CMIP: variants seen among roughly 807,000 people sequenced by gnomAD.
The protein encoded by CMIP is C-Maf-inducing protein.
Under a neutral mutation model 97.3 loss-of-function variants are expected in CMIP, and 13 were observed. The observed-to-expected ratio is 0.13, with a 90% CI of 0.09 to 0.21. The LOEUF is 0.21. Among genes scored for constraint, CMIP ranks in the 10% least tolerant of loss-of-function variants. The probability of loss-of-function intolerance (pLI) is 1.00; values close to 1 mark genes in which losing one functional copy is unlikely to be tolerated. For synonymous variants in CMIP, 538 were observed against 436.3 expected (o/e 1.23, Z -2.91); for missense variants, 847 against 1,024.9 (o/e 0.83, Z 2.37).
At chr16:81,521,239 G>A (rs2090020882) in intron 1 of CMIP, among the ~76,000 whole-genome samples, 1 of 152,216 alleles carries the variant, frequency 6.6e-6, no homozygotes, top group South Asian at 2.1e-4. Flanking sequence ...TTCCTGAGTG[G>A]CCTCTGCATC....
intron 1 of CMIP, among the ~76,000 whole-genome samples, chr16:81,457,181 C>T (rs927272624): frequency 2.2e-4 from 34 of 152,020 alleles, no homozygotes; most frequent in African/African-American, 3.6e-4. Flanking sequence ...CCGACCCCCC[C>T]GCCAGTCAGT....
intron 3 of CMIP, among the ~76,000 whole-genome samples, chr16:81,649,739 C>T (rs935788909): frequency 1.3e-5 from 2 of 152,216 alleles, no homozygotes; most frequent in African/African-American, 4.8e-5. Flanking sequence ...ACTTAGAGCC[C>T]AGACTCCATG....
intron 6 of CMIP, among the ~76,000 whole-genome samples, chr16:81,661,434 C>T (rs1437595606): frequency 6.6e-6 from 1 of 152,238 alleles, no homozygotes; most frequent in East Asian, 1.9e-4. Flanking sequence ...ATGTCCAGGG[C>T]ACATCTTTGT....
Position 81,664,394 on chromosome 16 carries a change from T to G in CMIP, c.825+45T>G, listed in dbSNP as rs755870928. 5.2e-6 allele frequency: 8 copies of G among 1,547,128 alleles called. No homozygotes were observed. The African/African-American group carries it at 1.1e-4, about 21-fold the overall frequency. ...CACCCAGACCCCAGCGCCCAGAACA[T>G]GAGGCCCCGCGCGCCTCCCTGGCCT... On this transcript the variant is annotated intron_variant, in intron 7 of 20. Transcript: ENST00000537098.
intron 1 of CMIP, among the ~76,000 whole-genome samples, chr16:81,605,398 G>A (rs910674487): frequency 2.6e-5 from 4 of 151,944 alleles, no homozygotes; most frequent in Non-Finnish European, 4.4e-5. Flanking sequence ...CAGCCTTGTC[G>A]CTCACCTGGA....
rs2092439008 is a variant in CMIP at position 81,652,431 on chromosome 16, C to T, written c.639+67C>T. ...CCCTCCACCGATCACCGGCTCCATG[C>T]CAAGCAGCAGGCGCAGGCAGAGCTC... On this transcript the variant is annotated intron_variant, in intron 4 of 20. Transcript: ENST00000537098. The surrounding 1 kb of genome is among the most constrained non-coding windows in gnomAD (Gnocchi z 5.2). 17 of 1,408,972 alleles carry T rather than the reference C, an allele frequency of 1.2e-5. No individual in the cohort carries two copies. Among genetic ancestry groups the T allele is most frequent in the Non-Finnish European group, 1.7e-5 (17 of 1,016,408 alleles). The allele number at this position is 1,408,972 out of a possible 1,614,324, so 87.3% of individuals were successfully genotyped here.
At chr16:81,693,205 C>G in intron 12 of CMIP, 21 bp downstream of exon 12, 1 of 1,608,336 alleles carries the variant, frequency 6.2e-7, no homozygotes, top group East Asian at 2.2e-5. Flanking sequence ...GGGCACCGCC[C>G]TCATTCCATT....
chr16:81,693,226 C>T (rs369733073), intron 12 of CMIP, 42 bp downstream of exon 12: 22 of 1,585,616 alleles, frequency 1.4e-5, no homozygotes, highest in African/African-American at 9.4e-5. Flanking sequence ...CTGGCACGCA[C>T]GGCCTCTGTC....
At chr16:81,506,602 C>G (rs2089713068) in intron 1 of CMIP, among the ~76,000 whole-genome samples, 1 of 152,222 alleles carries the variant, frequency 6.6e-6, no homozygotes, top group Non-Finnish European at 1.5e-5. Flanking sequence ...GAAAGATGAT[C>G]AAGTGGGAAG....
chr16:81,607,604 C>T lies in CMIP; in HGVS notation c.338C>T (p.Ala113Val), dbSNP rs2091765704. ...GYMENSVSYSAIEDVQLLSWE... is the reference protein window; with the variant it reads ...GYMENSVSYSVIEDVQLLSWE... ...ATGGAAAACTCAGTCTCCTACAGCG[C>T]AATTGAAGACGTTCAGCTGCTGTCC... The change falls in exon 2 of 21, where the codon GCA becomes GTA. Residue 113 changes from alanine to valine, a missense_variant. Around this residue, in one of 4 missense-constraint regions of CMIP, gnomAD observed 285 missense variants for 392.2 expected, o/e 0.73. Coordinates refer to ENST00000537098, the MANE Select transcript of CMIP (RefSeq NM_198390.3). The T allele has an allele frequency of 1.9e-6, 3 of 1,614,038 alleles. No homozygotes were observed. Among genetic ancestry groups the T allele is most frequent in the Non-Finnish European group, 2.5e-6 (3 of 1,179,890 alleles).
intron 1 of CMIP, among the ~76,000 whole-genome samples, chr16:81,491,476 G>A (rs1007100265): frequency 1.3e-5 from 2 of 152,176 alleles, no homozygotes; most frequent in African/African-American, 4.8e-5. Flanking sequence ...CCAAAGCCCT[G>A]GACACGAGAA....
intron 9 of CMIP, among the ~76,000 whole-genome samples, chr16:81,675,911 A>G (rs1482069885): frequency 6.6e-6 from 1 of 152,228 alleles, no homozygotes; most frequent in Non-Finnish European, 1.5e-5. Flanking sequence ...GCGAAGCTGC[A>G]GGCTGGGGAT....
chr16:81,486,949 C>T (rs935142061), intron 1 of CMIP, among the ~76,000 whole-genome samples: 1 of 152,272 alleles, frequency 6.6e-6, no homozygotes, highest in African/African-American at 2.4e-5. Flanking sequence ...TTCAAAGGCG[C>T]ACGGCAGGCG....
At chr16:81,552,821 C>T (rs1244661939) in intron 1 of CMIP, among the ~76,000 whole-genome samples, 1 of 152,210 alleles carries the variant, frequency 6.6e-6, no homozygotes, top group African/African-American at 2.4e-5. Context: ...TCCTCCCTCC[C>T]TCTCTCTTTC....
intron 1 of CMIP, among the ~76,000 whole-genome samples, chr16:81,467,642 A>G (rs1447635159): frequency 1.4e-5 from 2 of 146,408 alleles, no homozygotes; most frequent in African/African-American, 2.5e-5. Context: ...GTGCAGTGGC[A>G]TGATCTTGGC....
intron 3 of CMIP, among the ~76,000 whole-genome samples, chr16:81,643,793 GTAAATAAA>G (rs149906497): frequency 6.6e-6 from 1 of 151,858 alleles, no homozygotes; most frequent in African/African-American, 2.4e-5. Context: ...CAATAAGTAA[GTAAATAAA>G]TAAATAAATA....
At chr16:81,575,483 T>C (rs527707931) in intron 1 of CMIP, among the ~76,000 whole-genome samples, 1 of 152,240 alleles carries the variant, frequency 6.6e-6, no homozygotes, top group East Asian at 1.9e-4. Flanking sequence ...CCGTAGATCA[T>C]CTAGAGCAGT....
chr16:81,698,391 C>G (rs949574565), intron 14 of CMIP, among the ~76,000 whole-genome samples: 1 of 152,220 alleles, frequency 6.6e-6, no homozygotes, highest in African/African-American at 2.4e-5. Flanking sequence ...TTTGCCAATT[C>G]TTGGATTCCT....
chr16:81,594,432 T>C (rs2091517183), intron 1 of CMIP, among the ~76,000 whole-genome samples: 1 of 150,200 alleles, frequency 6.7e-6, no homozygotes, highest in African/African-American at 2.4e-5. Context: ...CATTACCTTT[T>C]TCTTAGTTGT....
Sources: gnomAD v4.1 joint callset for allele counts (sites outside exome capture counted in the v4.1 genomes callset) on GRCh38, gnomAD v4.1.1 for gene constraint, gnomAD v4.1.1 regional missense constraint, Gnocchi (gnomAD v3.1) non-coding constraint, MANE v1.5 for transcripts, NCBI Gene and HGNC (gene_info 2026-07-23, HGNC 2026-07-21) for gene names.